CAST: variants seen among roughly 807,000 people sequenced by gnomAD.
CAST encodes calpastatin, also known as MIR583 host.
Under a neutral mutation model 119.6 loss-of-function variants are expected in CAST, and 76 were observed. That is an observed-to-expected ratio of 0.64 (90% CI 0.53 to 0.77). The LOEUF (loss-of-function observed/expected upper bound fraction) is 0.77, where lower values mean the gene tolerates loss of function less well. CAST is among the 30% of genes least tolerant of loss of function. The pLI is 0.00. For missense variants in CAST, 953 were observed against 946.5 expected (o/e 1.01, Z -0.09); for synonymous variants, 319 against 331.6 (o/e 0.96, Z 0.41).
chr5:96,164,408 G>T, the CAST span, among the ~76,000 whole-genome samples: 7 of 152,168 alleles, frequency 4.6e-5, no homozygotes, highest in African/African-American at 1.7e-4. Flanking sequence ...CTATATTCTG[G>T]GTGCAGCCTC....
At chr5:96,425,282 C>T in the CAST span, among the ~76,000 whole-genome samples, 1 of 152,206 alleles carries the variant, frequency 6.6e-6, no homozygotes, top group Non-Finnish European at 1.5e-5. Flanking sequence ...TTAACAATTT[C>T]TTCGCTCAAG....
chr5:96,053,189 G>A, the CAST span, among the ~76,000 whole-genome samples: 8 of 152,152 alleles, frequency 5.3e-5, no homozygotes, highest in Non-Finnish European at 1.0e-4. Context: ...CTCCCGAGGA[G>A]CCTGAAAAAC....
chr5:96,477,111 C>CACACACAA, the CAST span, among the ~76,000 whole-genome samples: 2 of 128,482 alleles, frequency 1.6e-5, no homozygotes, highest in Non-Finnish European at 3.4e-5. Flanking sequence ...CACACACACA[C>CACACACAA]AAATTATCAC....
upstream of CAST, among the ~76,000 whole-genome samples, chr5:96,657,557 C>A (rs1748181292): frequency 6.6e-6 from 1 of 151,956 alleles, no homozygotes; most frequent in African/African-American, 2.4e-5. Context: ...AAAATTGATT[C>A]CTATGAATGA....
At chr5:96,120,731 CAT>C in the CAST span, among the ~76,000 whole-genome samples, 1 of 146,468 alleles carries the variant, frequency 6.8e-6, no homozygotes, top group Non-Finnish European at 1.5e-5. Flanking sequence ...ATATAATATA[CAT>C]ATATATAATA....
At chr5:96,107,879 G>T in the CAST span, among the ~76,000 whole-genome samples, 15 of 152,200 alleles carry the variant, frequency 9.9e-5, no homozygotes, top group Non-Finnish European at 1.9e-4. Context: ...CGTAGATTTG[G>T]TCTTTTCACA....
chr5:96,165,976 T>C, the CAST span, among the ~76,000 whole-genome samples: 1 of 72,150 alleles, frequency 1.4e-5, no homozygotes, highest in Admixed American at 1.1e-4. Context: ...ATCCATTTCA[T>C]TAATCATTAT....
At chr5:96,437,784 G>T in the CAST span, among the ~76,000 whole-genome samples, 1 of 152,092 alleles carries the variant, frequency 6.6e-6, no homozygotes, top group African/African-American at 2.4e-5. Context: ...TACTTAACAT[G>T]CCTGGTATAC....
the CAST span, among the ~76,000 whole-genome samples, chr5:96,061,770 T>C: frequency 6.6e-6 from 1 of 151,746 alleles, no homozygotes; most frequent in African/African-American, 2.4e-5. Flanking sequence ...ATATGGAAGA[T>C]AGAGGATAAG....
chr5:96,131,434 C>A, the CAST span, among the ~76,000 whole-genome samples: 1 of 151,948 alleles, frequency 6.6e-6, no homozygotes, highest in African/African-American at 2.4e-5. Context: ...CACACACACA[C>A]ACACACACAT....
Position 96,742,552 on chromosome 5 carries a change from A to G in CAST, c.1099-103A>G, listed in dbSNP as rs1241813716. ...CCTTTCTAGAGCACTTCCCCAATCC[A>G]TATTCAGTTTATAATCTAAAATGTA... is the stretch of plus-strand genomic sequence containing the variant. On this transcript the variant is annotated intron_variant, in intron 15 of 31. Coordinates refer to ENST00000675179, the MANE Select transcript of CAST (RefSeq NM_001750.7). 14 of 776,016 alleles carry G rather than the reference A, an allele frequency of 1.8e-5. No individual in the cohort carries two copies. The East Asian group carries it at 3.5e-4, about 19-fold the overall frequency. The allele number at this position is 776,016 out of a possible 1,614,324, so 48.1% of individuals were successfully genotyped here. A position where few individuals can be genotyped will look rare whatever the true frequency, so the allele number is the denominator to read the frequency against.
chr5:96,521,300 C>T (rs374465536), upstream of CAST, among the ~76,000 whole-genome samples: 3 of 152,316 alleles, frequency 2.0e-5, no homozygotes, highest in South Asian at 6.2e-4. Flanking sequence ...GAGTCCAATT[C>T]CTCAGCATGG....
At chr5:96,022,838 C>A in the CAST span, among the ~76,000 whole-genome samples, 2 of 152,094 alleles carry the variant, frequency 1.3e-5, no homozygotes, top group South Asian at 4.1e-4. Flanking sequence ...TCCTTCTTCT[C>A]CAGGAAACCT....
the CAST span, among the ~76,000 whole-genome samples, chr5:96,100,910 A>ATG: frequency 1.1e-4 from 16 of 152,092 alleles, no homozygotes; most frequent in East Asian, 3.9e-4. Context: ...ATAAATAAAT[A>ATG]TGTGTGTGTG....
chr5:96,504,959 C>G, the CAST span, among the ~76,000 whole-genome samples: 1 of 152,158 alleles, frequency 6.6e-6, no homozygotes. Flanking sequence ...TAGTCAGCTA[C>G]CAGTGTGGCC....
intron 1 of CAST, among the ~76,000 whole-genome samples, chr5:96,672,540 C>T (rs1466146696): frequency 6.6e-6 from 1 of 151,872 alleles, no homozygotes; most frequent in African/African-American, 2.4e-5. Flanking sequence ...AACCCCATCT[C>T]TACTAAAAGT....
intron 2 of CAST, among the ~76,000 whole-genome samples, chr5:96,681,061 T>G (rs930259483): frequency 6.6e-5 from 10 of 152,262 alleles, no homozygotes; most frequent in Non-Finnish European, 1.5e-4. Context: ...CTAAAGTGAC[T>G]CTGGGAAGTT....
the CAST span, among the ~76,000 whole-genome samples, chr5:96,146,206 A>C: frequency 6.6e-6 from 1 of 152,150 alleles, no homozygotes; most frequent in African/African-American, 2.4e-5. Context: ...CTGATGTTTG[A>C]AAAAAAATGA....
At chr5:96,459,776 A>T in the CAST span, among the ~76,000 whole-genome samples, 1 of 152,196 alleles carries the variant, frequency 6.6e-6, no homozygotes, top group African/African-American at 2.4e-5. Context: ...TTGTCTTGGG[A>T]CATTGTGTTT....
Sources: allele counts gnomAD v4.1 joint callset (sites outside exome capture counted in the v4.1 genomes callset), GRCh38; gene constraint gnomAD v4.1.1; transcripts MANE v1.5; gene names NCBI Gene and HGNC (gene_info 2026-07-23, HGNC 2026-07-21).